The following HMGA2 variants were observed in gnomAD, a reference collection of about 807,000 sequenced individuals.
HMGA2 encodes high mobility group protein HMGI-C.
Under a neutral mutation model 19.1 loss-of-function variants are expected in HMGA2, and 8 were observed. The ratio of observed to expected loss-of-function variants is 0.42; its 90% CI spans 0.25 to 0.76. The LOEUF is 0.76. Among genes scored for constraint, HMGA2 ranks in the 30% least tolerant of loss-of-function variants. HMGA2 has a pLI of 0.28. For missense variants in HMGA2, 109 were observed against 136.3 expected, an observed-to-expected ratio of 0.80 and a Z score of 1.00; for synonymous variants, 60 against 48.8, an observed-to-expected ratio of 1.23 and a Z score of -0.96.
At chr12:65,929,168 C>A (rs1480468915) in intron 3 of HMGA2, among the ~76,000 whole-genome samples, 1 of 152,248 alleles carries the variant, frequency 6.6e-6, no homozygotes, top group East Asian at 1.9e-4. Flanking sequence ...TACATAAATA[C>A]TGAGGACTGT....
intron 3 of HMGA2, among the ~76,000 whole-genome samples, chr12:65,933,044 G>A (rs1458447191): frequency 2.0e-5 from 3 of 151,980 alleles, no homozygotes; most frequent in Admixed American, 2.0e-4. Context: ...TTATTCTTGG[G>A]CTGTGACAGA....
chr12:65,960,175 CACCAT>C (rs1255735629), intron 4 of HMGA2, among the ~76,000 whole-genome samples: 14 of 152,210 alleles, frequency 9.2e-5, no homozygotes, highest in African/African-American at 3.4e-4. Flanking sequence ...AGGCGTAAGC[CACCAT>C]ACCTGGCCCC....
At chr12:65,901,053 C>T (rs2121175679) in intron 3 of HMGA2, among the ~76,000 whole-genome samples, 1 of 152,086 alleles carries the variant, frequency 6.6e-6, no homozygotes, top group East Asian at 1.9e-4. Context: ...TGTGGTATGC[C>T]ACCTCCCATT....
chr12:65,895,839 C>T (rs949759043), intron 3 of HMGA2, among the ~76,000 whole-genome samples: 3 of 152,192 alleles, frequency 2.0e-5, no homozygotes, highest in Non-Finnish European at 4.4e-5. Context: ...AGCTAGTACA[C>T]TCGATTCAGT....
intron 2 of HMGA2, among the ~76,000 whole-genome samples, chr12:65,833,549 G>A (rs1457896248): frequency 6.6e-6 from 1 of 152,068 alleles, no homozygotes; most frequent in Non-Finnish European, 1.5e-5. Flanking sequence ...TGACCCTGAA[G>A]TCAGAATTGA....
intron 3 of HMGA2, among the ~76,000 whole-genome samples, chr12:65,911,222 T>C (rs963399105): frequency 2.6e-5 from 4 of 152,220 alleles, no homozygotes; most frequent in African/African-American, 9.6e-5. Context: ...TTTTAGAAGA[T>C]GCCTCTAGAC....
intron 3 of HMGA2, among the ~76,000 whole-genome samples, chr12:65,848,117 T>C (rs1251738958): frequency 6.6e-6 from 1 of 152,210 alleles, no homozygotes; most frequent in African/African-American, 2.4e-5. Context: ...TCTTGCCCTA[T>C]GTTAATGTTT....
intron 3 of HMGA2, among the ~76,000 whole-genome samples, chr12:65,846,212 TA>T (rs1351246575): frequency 6.6e-6 from 1 of 152,254 alleles, no homozygotes; most frequent in Non-Finnish European, 1.5e-5. Flanking sequence ...ATAAGTTAGT[TA>T]AAAAGTCTTT....
chr12:65,845,029 CA>C (rs1238397678), intron 3 of HMGA2, among the ~76,000 whole-genome samples: 1 of 152,206 alleles, frequency 6.6e-6, no homozygotes, highest in Non-Finnish European at 1.5e-5. Context: ...TTTCCTTACA[CA>C]GTGTACTATC....
chr12:65,825,377 A>G lies in HMGA2; in HGVS notation c.107A>G (p.Gln36Arg). Residue 36 changes from glutamine to arginine, a missense_variant, in exon 1 of 5, where the codon CAG (glutamine) becomes CGG (arginine). Coordinates refer to ENST00000403681, the MANE Select transcript of HMGA2 (RefSeq NM_003483.6). The surrounding 1 kb of genome is among the most constrained non-coding windows in gnomAD (Gnocchi z 4.4). The part of the protein sequence containing the change: ...KRGRGRPRKQ[Q>R]QEPTGEPSPK... ...GGACGCGGCCGCCCCAGGAAGCAGC[A>G]GCAAGTCAGTACGAGGGCGCGGTGG... is the stretch of plus-strand genomic sequence containing the variant. 1 of 1,529,630 alleles carries G rather than the reference A, an allele frequency of 6.5e-7. No homozygotes were observed. Among genetic ancestry groups the G allele is most frequent in the African/African-American group, 1.4e-5 (1 of 70,814 alleles). The allele number at this position is 1,529,630 out of a possible 1,614,324, so 94.8% of individuals were successfully genotyped here. A position where few individuals can be genotyped will look rare whatever the true frequency, so the allele number is the denominator to read the frequency against.
intron 3 of HMGA2, among the ~76,000 whole-genome samples, chr12:65,845,349 G>T (rs1871189249): frequency 6.6e-6 from 1 of 152,074 alleles, no homozygotes; most frequent in Non-Finnish European, 1.5e-5. Flanking sequence ...GCTCATTGCA[G>T]TTTCTGCCTC....
At chr12:65,939,328 T>C (rs1019991122) in intron 3 of HMGA2, among the ~76,000 whole-genome samples, 2 of 152,104 alleles carry the variant, frequency 1.3e-5, no homozygotes, top group African/African-American at 4.8e-5. Context: ...AAATATTATA[T>C]GTACACACAC....
chr12:65,897,659 G>C (rs1365727150), intron 3 of HMGA2, among the ~76,000 whole-genome samples: 1 of 152,146 alleles, frequency 6.6e-6, no homozygotes, highest in Non-Finnish European at 1.5e-5. Context: ...CTTATTATTT[G>C]TCCTAAAGCA....
intron 3 of HMGA2, among the ~76,000 whole-genome samples, chr12:65,917,448 T>A (rs1373792623): frequency 6.6e-6 from 1 of 152,186 alleles, no homozygotes; most frequent in African/African-American, 2.4e-5. Context: ...GTTTCCTCCA[T>A]GCTCTCTAGC....
At chr12:65,910,209 T>C (rs1029298692) in intron 3 of HMGA2, among the ~76,000 whole-genome samples, 1 of 152,194 alleles carries the variant, frequency 6.6e-6, no homozygotes, top group African/African-American at 2.4e-5. Context: ...CATGCTCCTT[T>C]CTCTGCCCTT....
intron 4 of HMGA2, chr12:65,952,461 G>A (rs1408633883): frequency 1.1e-5 from 17 of 1,530,968 alleles, no homozygotes; most frequent in Middle Eastern, 1.7e-4. Flanking sequence ...ACACATGAAA[G>A]GATCCAAGGA....
At chr12:65,940,409 A>T (rs1322724499) in intron 3 of HMGA2, among the ~76,000 whole-genome samples, 1 of 152,140 alleles carries the variant, frequency 6.6e-6, no homozygotes, top group Non-Finnish European at 1.5e-5. Flanking sequence ...TCTAGTGCTG[A>T]TTTGTCCTTT....
intron 3 of HMGA2, among the ~76,000 whole-genome samples, chr12:65,887,147 T>C (rs1038303226): frequency 1.3e-5 from 2 of 152,234 alleles, no homozygotes; most frequent in South Asian, 2.1e-4. Flanking sequence ...AAATGGATGA[T>C]ATTTTAGTGA....
At chr12:65,938,237 G>A (rs963789006) in intron 3 of HMGA2, among the ~76,000 whole-genome samples, 2 of 152,172 alleles carry the variant, frequency 1.3e-5, no homozygotes, top group Non-Finnish European at 2.9e-5. Context: ...CTGAAGCTCC[G>A]ACATTTCTTG....
Sources: allele counts gnomAD v4.1 joint callset (sites outside exome capture counted in the v4.1 genomes callset), GRCh38; gene constraint gnomAD v4.1.1; non-coding constraint Gnocchi (gnomAD v3.1); transcripts MANE v1.5; gene names NCBI Gene and HGNC (gene_info 2026-07-23, HGNC 2026-07-21).